Variants in DYNC1I1 observed in about 807,000 individuals in gnomAD.
DYNC1I1 encodes the protein dynein cytoplasmic 1 intermediate chain 1, also known as cytoplasmic dynein 1 intermediate chain 1.
Under a neutral mutation model 86.6 loss-of-function variants are expected in DYNC1I1, and 43 were observed. The ratio of observed to expected loss-of-function variants is 0.50; its 90% CI spans 0.39 to 0.64. The LOEUF is 0.64. Ranked by LOEUF, DYNC1I1 falls within the 30% of genes least tolerant of loss-of-function variation. The pLI is 0.00. For missense variants in DYNC1I1, 604 were observed against 788.8 expected (o/e 0.77, Z 2.81); for synonymous variants, 262 against 283.7 (o/e 0.92, Z 0.77).
At chr7:96,043,576 T>C (rs1789122240) in intron 14 of DYNC1I1, among the ~76,000 whole-genome samples, 1 of 151,406 alleles carries the variant, frequency 6.6e-6, no homozygotes, top group African/African-American at 2.4e-5. Context: ...ACTTGGGACA[T>C]TTCAGTGGAT....
chr7:95,863,956 T>C (rs1789955772), intron 5 of DYNC1I1, among the ~76,000 whole-genome samples: 2 of 152,230 alleles, frequency 1.3e-5, no homozygotes, highest in Non-Finnish European at 2.9e-5. Flanking sequence ...TTCTCAAAAT[T>C]TCCTTTATCT....
At chr7:96,089,841 G>A (rs1447204035) in intron 16 of DYNC1I1, among the ~76,000 whole-genome samples, 1 of 152,024 alleles carries the variant, frequency 6.6e-6, no homozygotes, top group African/African-American at 2.4e-5. Flanking sequence ...CCTTCTTTTT[G>A]TCAAAACTGC....
chr7:95,909,184 G>GAA (rs532285698), intron 6 of DYNC1I1, among the ~76,000 whole-genome samples: 23 of 93,620 alleles, frequency 2.5e-4, no homozygotes, highest in African/African-American at 8.3e-4. Context: ...TGAGACAGCA[G>GAA]AAAAAAAAAA....
At chr7:95,928,423 A>G (rs900903414) in intron 6 of DYNC1I1, among the ~76,000 whole-genome samples, 1 of 152,194 alleles carries the variant, frequency 6.6e-6, no homozygotes, top group Non-Finnish European at 1.5e-5. Context: ...ATGTGCCTGA[A>G]GAGGAAATCA....
Position 95,869,922 on chromosome 7 carries a change from A to C in DYNC1I1, c.414A>C (p.Gln138His). Residue 138 changes from glutamine (Q) to histidine (H), a missense_variant, in exon 6 of 17, where the codon CAA (glutamine) becomes CAC (histidine). Transcript: ENST00000447467. ...LHKLGVSKVTQVDFLPREVVS... is the reference protein window; with the variant it reads ...LHKLGVSKVTHVDFLPREVVS... ...AACTGGGCGTGTCAAAGGTCACCCA[A>C]GTGGATTTCCTGCCAAGGGAAGTAG... 1.9e-6 allele frequency: 3 copies of C among 1,613,968 alleles called. No homozygotes were observed. Among genetic ancestry groups the C allele is most frequent in the Non-Finnish European group, 2.5e-6 (3 of 1,179,936 alleles).
chr7:95,838,768 T>A (rs1432775950), intron 5 of DYNC1I1, among the ~76,000 whole-genome samples: 1 of 152,150 alleles, frequency 6.6e-6, no homozygotes, highest in African/African-American at 2.4e-5. Context: ...AATCTAAGTT[T>A]TTTTCTTTCT....
chr7:96,068,646 G>A (rs561633599), intron 14 of DYNC1I1, among the ~76,000 whole-genome samples: 2 of 152,192 alleles, frequency 1.3e-5, no homozygotes, highest in East Asian at 1.9e-4. Flanking sequence ...TAAATGTAGC[G>A]AGATCACTAA....
At chr7:95,913,211 T>A (rs1320140754) in intron 6 of DYNC1I1, among the ~76,000 whole-genome samples, 1 of 152,212 alleles carries the variant, frequency 6.6e-6, no homozygotes, top group Non-Finnish European at 1.5e-5. Context: ...TTCATATTCA[T>A]ATAGAAATAT....
intron 9 of DYNC1I1, among the ~76,000 whole-genome samples, chr7:95,993,735 C>G (rs1045504904): frequency 6.6e-6 from 1 of 151,878 alleles, no homozygotes; most frequent in African/African-American, 2.4e-5. Context: ...GTTGAGGCTG[C>G]TGGAAGAATG....
intron 6 of DYNC1I1, among the ~76,000 whole-genome samples, chr7:95,933,617 A>G (rs1791960952): frequency 6.6e-6 from 1 of 152,180 alleles, no homozygotes; most frequent in South Asian, 2.1e-4. Context: ...TGGCTTTTAA[A>G]CATGTTGGCA....
At chr7:96,092,647 C>T (rs576837577) in intron 16 of DYNC1I1, among the ~76,000 whole-genome samples, 70 of 151,974 alleles carry the variant, frequency 4.6e-4, no homozygotes, top group Non-Finnish European at 8.4e-4. Context: ...GAGGTGGGAC[C>T]GGGTTCAGAG....
chr7:95,783,461 A>G (rs912102370), intron 1 of DYNC1I1, among the ~76,000 whole-genome samples: 13 of 152,182 alleles, frequency 8.5e-5, no homozygotes, highest in African/African-American at 2.9e-4. Flanking sequence ...AATGTCTAAT[A>G]GAGGGAAAAT....
chr7:95,871,855 A>T (rs1386425061), intron 6 of DYNC1I1, among the ~76,000 whole-genome samples: 1 of 152,342 alleles, frequency 6.6e-6, no homozygotes, highest in East Asian at 1.9e-4. Flanking sequence ...TGTTTTGTTC[A>T]CAAGATCCAT....
chr7:96,045,450 G>A (rs905665018), intron 14 of DYNC1I1, among the ~76,000 whole-genome samples: 1 of 152,160 alleles, frequency 6.6e-6, no homozygotes, highest in African/African-American at 2.4e-5. Flanking sequence ...AGCGATCACA[G>A]TACCAAAGTC....
intron 16 of DYNC1I1, among the ~76,000 whole-genome samples, chr7:96,109,624 T>A (rs936737758): frequency 1.4e-4 from 22 of 152,150 alleles, no homozygotes; most frequent in African/African-American, 5.1e-4. Flanking sequence ...AAATATTTCT[T>A]GTGGTTTCTT....
At chr7:95,806,017 T>C (rs1332114303) in intron 2 of DYNC1I1, among the ~76,000 whole-genome samples, 1 of 152,178 alleles carries the variant, frequency 6.6e-6, no homozygotes, top group East Asian at 1.9e-4. Flanking sequence ...GATGTGATCA[T>C]TTATTTGTCC....
chr7:95,967,897 T>C (rs962513469), intron 6 of DYNC1I1, among the ~76,000 whole-genome samples: 1 of 152,104 alleles, frequency 6.6e-6, no homozygotes, highest in Admixed American at 6.6e-5. Context: ...GGAGTATGCA[T>C]GTGTGTATGT....
At chr7:95,922,615 G>A (rs141431073) in intron 6 of DYNC1I1, among the ~76,000 whole-genome samples, 57 of 152,126 alleles carry the variant, frequency 3.7e-4, no homozygotes, top group African/African-American at 1.2e-3. Context: ...AACGAGCTGG[G>A]ACATATGTAG....
Position 95,944,950 on chromosome 7 carries a change from C to A in DYNC1I1, c.491-32562C>A, listed in dbSNP as rs576725997. Among the ~76,000 whole-genome samples the A allele has an allele frequency of 2.6e-5, 4 of 151,004 alleles. No homozygotes were observed. In the East Asian group the frequency reaches 7.8e-4, roughly 30 times the overall value. On this transcript the variant is annotated intron_variant, in intron 6 of 16. Coordinates refer to ENST00000447467, the MANE Select transcript of DYNC1I1 (RefSeq NM_001135556.2). ...ATGACGAGTTAATGGGTGCAGCACA[C>A]CAGCATGGCACATGTATACATATGT...
Sources: gnomAD v4.1 joint callset for allele counts (sites outside exome capture counted in the v4.1 genomes callset) on GRCh38, gnomAD v4.1.1 for gene constraint, MANE v1.5 for transcripts, NCBI Gene and HGNC (gene_info 2026-07-23, HGNC 2026-07-21) for gene names.